The following PLB1 variants were observed in gnomAD, a reference collection of about 807,000 sequenced individuals.
The protein encoded by PLB1 is phospholipase B1, also known as phospholipase B1, membrane-associated.
Under a neutral mutation model 227.4 loss-of-function variants are expected in PLB1, and 242 were observed. The observed-to-expected ratio is 1.06, with a 90% CI of 0.96 to 1.18. PLB1 has a LOEUF of 1.18. Among genes scored for constraint, PLB1 ranks in the 50% most tolerant of loss-of-function variants. The pLI is 0.00. For synonymous variants in PLB1, 757 were observed against 682.2 expected (o/e 1.11, Z -1.71); for missense variants, 1,858 against 1,816.3 (o/e 1.02, Z -0.42).
chr2:28,506,322 A>G (rs866067514), intron 1 of PLB1, among the ~76,000 whole-genome samples: 9 of 152,156 alleles, frequency 5.9e-5, no homozygotes, highest in African/African-American at 2.2e-4. Context: ...TGGGAGGTGA[A>G]ACTCAATTGC....
At chr2:28,618,454 C>CGCAGAAT in intron 46 of PLB1, 55 bp downstream of exon 46, 1 of 1,553,196 alleles carries the variant, frequency 6.4e-7, no homozygotes, top group Non-Finnish European at 8.9e-7. Flanking sequence ...CCAGGCCCTG[C>CGCAGAAT]GCAGAATCTG....
intron 13 of PLB1, 82 bp from the exon 14 acceptor site, chr2:28,543,130 A>C: frequency 4.8e-6 from 7 of 1,447,974 alleles, no homozygotes; most frequent in East Asian, 2.5e-5. Flanking sequence ...ACTCTATGCC[A>C]GAGAGAGCTT....
At position 28,625,119 on chromosome 2, in the gene PLB1, G is replaced by A. The variant is rs757274750; in HGVS notation, c.3579+11G>A. ...ATGAAAAACAGCCCCGTGAGTACAG[G>A]CCCCCAGGCCACCCCTGAAAGGTGC... is the stretch of plus-strand genomic sequence containing the variant. On this transcript the variant is annotated intron_variant, in intron 50 of 57. Coordinates refer to ENST00000327757, the MANE Select transcript of PLB1 (RefSeq NM_153021.5). The A allele has an allele frequency of 7.5e-6, 12 of 1,610,016 alleles. No individual in the cohort carries two copies. The highest frequency in any genetic ancestry group is 6.7e-5 in the Admixed American group (4 of 59,552).
chr2:28,608,442 C>T (rs963213640), intron 43 of PLB1, among the ~76,000 whole-genome samples: 4 of 152,152 alleles, frequency 2.6e-5, no homozygotes, highest in African/African-American at 7.2e-5. Flanking sequence ...GGCAGGAGGC[C>T]GAGATGGCTG....
At chr2:28,519,868 A>G (rs1669285212) in intron 4 of PLB1, 105 bp downstream of exon 4, 3 of 734,318 alleles carry the variant, frequency 4.1e-6, no homozygotes, top group Admixed American at 2.2e-5. Flanking sequence ...GGGAGAGAAC[A>G]TCATGTGAAC....
At chr2:28,602,101 G>T in intron 38 of PLB1, 137 bp downstream of exon 38, 5 of 849,774 alleles carry the variant, frequency 5.9e-6, no homozygotes, top group Non-Finnish European at 9.4e-6. Context: ...CTTTTCAGAG[G>T]TTGGGGTCTA....
rs1324727203 is a variant in PLB1 at position 28,581,977 on chromosome 2, AAAAG to A, written c.1567-88_1567-85del. ...TCCTATCTCAAAAAAAGAAAAAAAA[AAAAG>A]AAGGGGACCCAAGAGAGAAAGTAGC... On this transcript the variant is annotated intron_variant, in intron 23 of 57. Coordinates refer to ENST00000327757, the MANE Select transcript of PLB1 (RefSeq NM_153021.5). 2.8e-5 allele frequency: 36 copies of A among 1,308,402 alleles called. No individual in the cohort carries two copies. The Middle Eastern group carries it at 5.6e-4, about 20-fold the overall frequency. The allele number at this position is 1,308,402 out of a possible 1,614,324, so 81.0% of individuals were successfully genotyped here.
chr2:28,628,512 C>G (rs755892129), intron 51 of PLB1, 51 bp from the exon 52 acceptor site: 2 of 1,544,172 alleles, frequency 1.3e-6, no homozygotes, highest in African/African-American at 1.4e-5. Context: ...TCTTGCCATT[C>G]TCTCAGAGCG....
chr2:28,515,702 G>T (rs1393184693), intron 1 of PLB1, among the ~76,000 whole-genome samples: 1 of 152,184 alleles, frequency 6.6e-6, no homozygotes, highest in Non-Finnish European at 1.5e-5. Flanking sequence ...GCCCAAGTCA[G>T]GCTTCCTTTT....
At chr2:28,563,925 G>GA (rs1042962650) in intron 18 of PLB1, among the ~76,000 whole-genome samples, 12 of 152,108 alleles carry the variant, frequency 7.9e-5, no homozygotes, top group South Asian at 2.1e-4. Flanking sequence ...AAAATCCTGT[G>GA]AGGCATGACT....
chr2:28,595,803 C>T (rs1331749067), intron 33 of PLB1: 1 of 151,706 alleles, frequency 6.6e-6, no homozygotes, highest in Non-Finnish European at 1.5e-5. Context: ...AAGAGTGGAT[C>T]TCATGGAATT....
intron 43 of PLB1, among the ~76,000 whole-genome samples, chr2:28,607,769 T>TC (rs532010859): frequency 1.1e-4 from 16 of 152,170 alleles, no homozygotes; most frequent in South Asian, 1.0e-3. Context: ...TGGGGGCATT[T>TC]GGGGACTCAG....
In PLB1 at chr2:28,529,717, C is replaced by T. The variant is rs766666476; in HGVS notation, c.417-11C>T. The T allele has an allele frequency of 6.2e-7, 1 of 1,613,788 alleles. No homozygotes were observed. The highest frequency in any genetic ancestry group is 1.1e-5 in the South Asian group (1 of 91,058). On this transcript the variant is annotated splice_polypyrimidine_tract_variant and intron_variant, in intron 7 of 57. Transcript: ENST00000327757. Reference sequence around the variant, plus strand: ...TAGCCAATTTTTCTCTGTTTCCCTCCCTCTGCACAGAGACTTGTGGATTCA... The same window carrying T: ...TAGCCAATTTTTCTCTGTTTCCCTCTCTCTGCACAGAGACTTGTGGATTCA...
At chr2:28,581,968 GAA>G (rs5830085) in intron 23 of PLB1, 98 bp from the exon 24 acceptor site, 2,942 of 985,374 alleles carry the variant, frequency 3.0e-3, no homozygotes, top group East Asian at 4.6e-3. Context: ...CTCAAAAAAA[GAA>G]AAAAAAAAAA....
intron 20 of PLB1, among the ~76,000 whole-genome samples, chr2:28,569,835 G>A (rs1036481106): frequency 6.6e-6 from 1 of 151,794 alleles, no homozygotes; most frequent in Non-Finnish European, 1.5e-5. Context: ...GTGTGGTGGT[G>A]GGCGCCTGTA....
intron 45 of PLB1, 85 bp from the exon 46 acceptor site, chr2:28,618,256 G>A (rs1274316123): frequency 1.6e-6 from 2 of 1,246,896 alleles, no homozygotes; most frequent in Non-Finnish European, 2.3e-6. Context: ...CAGTGGGACA[G>A]AGTTATAGAC....
chr2:28,523,474 T>C (rs993216095), intron 4 of PLB1, among the ~76,000 whole-genome samples: 1 of 151,654 alleles, frequency 6.6e-6, no homozygotes, highest in African/African-American at 2.4e-5. Flanking sequence ...GGTCACAGTA[T>C]CTGCCATAAG....
At chr2:28,526,020 A>G (rs1182012153) in intron 6 of PLB1, 75 bp downstream of exon 6, 12 of 1,546,232 alleles carry the variant, frequency 7.8e-6, no homozygotes, top group Non-Finnish European at 8.9e-7. Flanking sequence ...TCTCTAATAA[A>G]GAGAATGGAC....
At chr2:28,599,641 G>C (rs528033088) in intron 35 of PLB1, among the ~76,000 whole-genome samples, 71 of 152,294 alleles carry the variant, frequency 4.7e-4, no homozygotes, top group African/African-American at 1.7e-3. Context: ...TTTTTAGATA[G>C]AGTCTCATTC....
Sources: allele counts gnomAD v4.1 joint callset (sites outside exome capture counted in the v4.1 genomes callset), GRCh38; gene constraint gnomAD v4.1.1; transcripts MANE v1.5; gene names NCBI Gene and HGNC (gene_info 2026-07-23, HGNC 2026-07-21).